The following KCNC4 variants were observed in gnomAD, a reference collection of about 807,000 sequenced individuals.
KCNC4 encodes the protein voltage-gated potassium channel KCNC4.
A neutral mutation model predicts 42.8 loss-of-function variants in KCNC4; 23 were observed. The ratio of observed to expected loss-of-function variants is 0.54; its 90% CI spans 0.39 to 0.76. The LOEUF is 0.76. KCNC4 is among the 30% of genes least tolerant of loss of function. The probability of loss-of-function intolerance (pLI) is 0.00; values close to 1 mark genes in which losing one functional copy is unlikely to be tolerated. For synonymous variants in KCNC4, 422 were observed against 393.5 expected, an observed-to-expected ratio of 1.07 and a Z score of -0.86; for missense variants, 751 against 898.2, an observed-to-expected ratio of 0.84 and a Z score of 2.10.
At chr1:110,217,567 T>C (rs11102064) in intron 1 of KCNC4, among the ~76,000 whole-genome samples, 39,406 of 152,086 alleles carry the variant, frequency 0.26, 8,538 homozygotes, top group African/African-American at 0.6. Context: ...TCTTGGATAG[T>C]GATCCGGGCT....
chr1:110,223,853 C>G lies in KCNC4; in HGVS notation c.1568C>G (p.Thr523Ser). 1.2e-6 allele frequency: 2 copies of G among 1,607,138 alleles called. No homozygotes were observed. Among genetic ancestry groups the G allele is most frequent in the Non-Finnish European group, 1.7e-6 (2 of 1,175,082 alleles). The change falls in exon 2 of 4, where the codon ACC (threonine) becomes AGC (serine). Residue 523 changes from threonine (T) to serine (S), a missense_variant. Thr to Ser is a moderately conservative substitution (Grantham distance 58). Around this residue, in one of 4 missense-constraint regions of KCNC4, gnomAD observed 202 missense variants for 181.5 expected, o/e 1.11. Transcript: ENST00000438661. This position sits in a 1 kb window ranked among gnomAD's most constrained non-coding sequence, Gnocchi z 7.5. Reference sequence around the variant, plus strand: ...CCCCGGGACAGCACCTGCAGTGATACCAGCCCCCCTGCCCGGGAAGAGGGT... The same window carrying G: ...CCCCGGGACAGCACCTGCAGTGATAGCAGCCCCCCTGCCCGGGAAGAGGGT... ...TSPRDSTCSD[T>S]SPPAREEGMI...
chr1:110,257,644 C>T (rs934956080), intron 1 of KCNC4, among the ~76,000 whole-genome samples: 10 of 146,722 alleles, frequency 6.8e-5, no homozygotes, highest in African/African-American at 2.5e-4. Flanking sequence ...TGGCGTGAAC[C>T]CAGAAGGTGG....
At position 110,210,708 on chromosome 1, in the gene KCNC4, CCCCGCAGCGCTGCG is replaced by C. The variant is rs1484763583; in HGVS notation, c.-787_-774del. 6.6e-6 allele frequency among the ~76,000 whole-genome samples: 1 copy of C among 151,326 alleles called. No individual in the cohort carries two copies. Among genetic ancestry groups the C allele is most frequent in the East Asian group, 1.9e-4 (1 of 5,136 alleles). ...TGAGGCACCCCCGCCCCAGCGCGGC[CCCCGCAGCGCTGCG>C]CCCGGTCCGGCGCAGCTCCCAGCCG... On this transcript the variant is annotated 5_prime_UTR_variant, in exon 1 of 4. An upstream open reading frame in the 5' UTR loses its in-frame stop. Transcript: ENST00000438661.
At chr1:110,245,272 G>A (rs937535300) in exon 4 of KCNC4, 3 of 152,204 alleles carry the variant, frequency 2.0e-5, no homozygotes, top group African/African-American at 7.2e-5. Context: ...CTGGAAATCC[G>A]GCTGGATTTT....
At chr1:110,266,606 C>T (rs1218628650) in intron 1 of KCNC4, among the ~76,000 whole-genome samples, 1 of 152,216 alleles carries the variant, frequency 6.6e-6, no homozygotes, top group Non-Finnish European at 1.5e-5. Context: ...GGTAAAACGA[C>T]TTGCCCAAGG....
chr1:110,246,042 C>T (rs545738977), exon 4 of KCNC4: 1 of 152,364 alleles, frequency 6.6e-6, no homozygotes, highest in South Asian at 2.1e-4. Context: ...CTCTTATCTC[C>T]ATCCAGATGG....
intron 1 of KCNC4, among the ~76,000 whole-genome samples, chr1:110,273,631 G>C (rs1659671835): frequency 6.6e-6 from 1 of 152,214 alleles, no homozygotes; most frequent in African/African-American, 2.4e-5. Context: ...GTGGAACTAT[G>C]TGCTCCTGGT....
Position 110,212,123 on chromosome 1 carries a change from G to A in KCNC4, c.624G>A (p.Trp208Ter). ...HGAGSGGCRG[W>*]QPRMWALFED... is the part of the protein sequence containing the mutation. ...CCGGGTCTGGGGGCTGCCGCGGCTG[G>A]CAGCCCCGCATGTGGGCGCTCTTCG... Residue 208 changes from tryptophan (W) to a stop codon, truncating the protein, a stop_gained, in exon 1 of 4, where the codon TGG becomes TGA. Coordinates refer to ENST00000438661, the MANE Select transcript of KCNC4 (RefSeq NM_001039574.3). LOFTEE classifies it high-confidence loss of function. The A allele has an allele frequency of 6.7e-7, 1 of 1,502,898 alleles. No individual in the cohort carries two copies. 93.1% of individuals were successfully genotyped at this position (1,502,898 alleles called of 1,614,324 possible).
downstream of KCNC4, among the ~76,000 whole-genome samples, chr1:110,249,371 A>G (rs1659212874): frequency 6.6e-6 from 1 of 152,168 alleles, no homozygotes; most frequent in Non-Finnish European, 1.5e-5. Flanking sequence ...TGAGGGTGAA[A>G]GTTGCTTGCA....
chr1:110,232,852 G>T, intron 3 of KCNC4, 59 bp from the exon 4 acceptor site: 1 of 1,563,432 alleles, frequency 6.4e-7, no homozygotes, highest in East Asian at 2.4e-5. Context: ...ACCCCAGAAG[G>T]CAATGTTGAG....
At position 110,231,282 on chromosome 1, in the gene KCNC4, G is replaced by A. The variant is rs372190645; in HGVS notation, c.1820-1629G>A. The stretch of plus-strand genomic sequence containing the variant: ...TCACAGAGCTTCCTGGGAGAGGAGG[G>A]CCTGCTCTGCTCTGGCCAGCGTCAC... On this transcript the variant is annotated intron_variant, in intron 3 of 3. Coordinates refer to ENST00000438661, the MANE Select transcript of KCNC4 (RefSeq NM_001039574.3). Among the ~76,000 whole-genome samples the A allele has an allele frequency of 1.7e-4, 26 of 152,234 alleles. 1 individual carries two copies. The East Asian group carries it at 4.6e-3, about 27-fold the overall frequency.
At chr1:110,281,609 G>A (rs1236524810) in intron 1 of KCNC4, among the ~76,000 whole-genome samples, 1 of 147,856 alleles carries the variant, frequency 6.8e-6, no homozygotes, top group East Asian at 2.0e-4. Flanking sequence ...TTACAGCTCA[G>A]GAGCTGGGGA....
intron 3 of KCNC4, among the ~76,000 whole-genome samples, chr1:110,230,860 A>G (rs1658658488): frequency 6.6e-6 from 1 of 152,234 alleles, no homozygotes; most frequent in Admixed American, 6.5e-5. Flanking sequence ...GAACCCCTGC[A>G]TACCAGGCAC....
chr1:110,246,766 C>CTTTTTTTTTTTTT (rs61165830), exon 4 of KCNC4: 4 of 139,370 alleles, frequency 2.9e-5, no homozygotes, highest in South Asian at 2.2e-4. Context: ...TTTTTCTTTT[C>CTTTTTTTTTTTTT]TTTTTTTTTT....
downstream of KCNC4, among the ~76,000 whole-genome samples, chr1:110,249,594 G>A (rs1232640845): frequency 6.6e-6 from 1 of 152,140 alleles, no homozygotes; most frequent in African/African-American, 2.4e-5. Context: ...TGGGAGTCTT[G>A]AGCAGGATCA....
chr1:110,251,985 T>C (rs1381510785), downstream of KCNC4, among the ~76,000 whole-genome samples: 1 of 152,164 alleles, frequency 6.6e-6, no homozygotes, highest in South Asian at 2.1e-4. Flanking sequence ...AAGCCCATGA[T>C]GGTGAGCGCT....
rs1391578939 is a variant in KCNC4 at position 110,233,702 on chromosome 1, A to C, written c.*730A>C. On this transcript the variant is annotated 3_prime_UTR_variant, in exon 4 of 4. Coordinates refer to ENST00000438661, the MANE Select transcript of KCNC4 (RefSeq NM_001039574.3). The stretch of plus-strand genomic sequence containing the variant: ...CAAAGATGCTGCTGGGCAGACAGGC[A>C]GGGAAAGGATCTGTCTGCCCATCTG... 1 of 152,550 alleles carries C rather than the reference A, an allele frequency of 6.6e-6. No individual in the cohort carries two copies. The highest frequency in any genetic ancestry group is 1.5e-5 in the Non-Finnish European group (1 of 68,332). 9.4% of individuals were successfully genotyped at this position (152,550 alleles called of 1,614,324 possible).
intron 3 of KCNC4, chr1:110,232,243 T>G: frequency 6.2e-7 from 1 of 1,613,958 alleles, no homozygotes; most frequent in Non-Finnish European, 8.5e-7. Context: ...TCCGTGACCT[T>G]CCCCTTCAGC....
Position 110,233,751 on chromosome 1 carries a change from G to A in KCNC4, c.*779G>A, listed in dbSNP as rs1395782781. Reference sequence around the variant, plus strand: ...TGGCCCAGGGGGTCCGAGAAGGGAAGCCTTGGGCAAGAGGAGACCAGTTGC... The same window carrying A: ...TGGCCCAGGGGGTCCGAGAAGGGAAACCTTGGGCAAGAGGAGACCAGTTGC... On this transcript the variant is annotated 3_prime_UTR_variant, in exon 4 of 4. Coordinates refer to ENST00000438661, the MANE Select transcript of KCNC4 (RefSeq NM_001039574.3). 1 of 152,420 alleles carries A rather than the reference G, an allele frequency of 6.6e-6. No individual in the cohort carries two copies. Among genetic ancestry groups the A allele is most frequent in the Admixed American group, 6.5e-5 (1 of 15,292 alleles). 9.4% of individuals were successfully genotyped at this position (152,420 alleles called of 1,614,324 possible).
Sources: gnomAD v4.1 joint callset for allele counts (sites outside exome capture counted in the v4.1 genomes callset) on GRCh38, gnomAD v4.1.1 for gene constraint, gnomAD v4.1.1 regional missense constraint, Gnocchi (gnomAD v3.1) non-coding constraint, MANE v1.5 for transcripts, NCBI Gene and HGNC (gene_info 2026-07-23, HGNC 2026-07-21) for gene names.